HEATR4: variants seen among roughly 807,000 people sequenced by gnomAD.
HEATR4 encodes HEAT repeat-containing protein 4.
In HEATR4, 95 loss-of-function variants were observed where a neutral mutation model predicts 108.8. The ratio of observed to expected loss-of-function variants is 0.87; its 90% confidence interval spans 0.74 to 1.04. The LOEUF (loss-of-function observed/expected upper bound fraction) is 1.04. Ranked by LOEUF, HEATR4 falls within the 50% of genes least tolerant of loss-of-function variation. The pLI is 0.00. For missense variants in HEATR4, 1,152 were observed against 1,253.8 expected (o/e 0.92, Z 1.23); for synonymous variants, 443 against 459.4 (o/e 0.96, Z 0.46).
At chr14:73,521,237 T>C (rs577914904) in intron 3 of HEATR4, among the ~76,000 whole-genome samples, 198 bp from the exon 4 acceptor site, 1 of 152,260 alleles carries the variant, frequency 6.6e-6, no homozygotes, top group East Asian at 1.9e-4. Flanking sequence ...AGGGCCTGTC[T>C]ACAGCTGTCC....
At chr14:73,600,977 CT>C in the HEATR4 span, among the ~76,000 whole-genome samples, 2 of 151,276 alleles carry the variant, frequency 1.3e-5, no homozygotes, top group Admixed American at 1.3e-4. Flanking sequence ...CCCATCTCTA[CT>C]AAAAATACAA....
chr14:73,493,159 GA>G (rs755326030), intron 16 of HEATR4, 35 bp from the exon 17 acceptor site: 12 of 1,565,590 alleles, frequency 7.7e-6, no homozygotes, highest in African/African-American at 1.4e-5. Flanking sequence ...GTTGGAGGTG[GA>G]AAAAAAACCC....
the HEATR4 span, chr14:73,592,280 G>C: frequency 6.2e-7 from 1 of 1,612,438 alleles, no homozygotes; most frequent in African/African-American, 1.3e-5. Context: ...TGGAGTTGGA[G>C]GTGCTGGACG....
intron 15 of HEATR4, 68 bp from the exon 16 acceptor site, chr14:73,495,455 A>T: frequency 7.7e-7 from 1 of 1,302,530 alleles, no homozygotes; most frequent in Non-Finnish European, 1.1e-6. Context: ...AATTATCAAA[A>T]AACATTAATA....
chr14:73,539,753 T>TC (rs1889014196), intron 1 of HEATR4: 1 of 117,942 alleles, frequency 8.5e-6, no homozygotes, highest in Non-Finnish European at 1.9e-5. Context: ...GCGGTCCCTG[T>TC]CCATCAGCAC....
intron 10 of HEATR4, among the ~76,000 whole-genome samples, chr14:73,504,964 C>G (rs539560255): frequency 3.3e-5 from 5 of 152,178 alleles, no homozygotes; most frequent in Non-Finnish European, 7.4e-5. Flanking sequence ...TGGAGTCTCG[C>G]TCTGTCGCCC....
the HEATR4 span, among the ~76,000 whole-genome samples, chr14:73,614,080 A>G: frequency 6.7e-6 from 1 of 150,278 alleles, no homozygotes; most frequent in Admixed American, 6.6e-5. Context: ...GCATGCCTGT[A>G]GTCCCAGCTG....
At chr14:73,599,225 A>C in the HEATR4 span, among the ~76,000 whole-genome samples, 1 of 151,144 alleles carries the variant, frequency 6.6e-6, no homozygotes, top group African/African-American at 2.4e-5. Flanking sequence ...GACTTCACAT[A>C]ACCTCCACTG....
the HEATR4 span, among the ~76,000 whole-genome samples, chr14:73,590,680 TGCTAAGCCCCTCACTGCCCGGG>T: frequency 2.6e-5 from 4 of 152,006 alleles, no homozygotes; most frequent in African/African-American, 9.7e-5. Context: ...CTGCCCCAGG[TGCTAAGCCCCTCACTGCCCGGG>T]GCTTGCGGGC....
chr14:73,585,930 A>C, the HEATR4 span, among the ~76,000 whole-genome samples: 1 of 142,328 alleles, frequency 7.0e-6, no homozygotes, highest in Admixed American at 7.1e-5. Flanking sequence ...AACTGCTTGA[A>C]CCTGGGAGGT....
At chr14:73,569,814 C>T in the HEATR4 span, 2 of 1,600,768 alleles carry the variant, frequency 1.2e-6, no homozygotes, top group South Asian at 1.1e-5. Context: ...GCGCTACTTC[C>T]TCCCGCCCGG....
rs1484473164 is a variant in HEATR4 at position 73,550,241 on chromosome 14, G to C, written c.-152+8510C>G. ...ACTGAGGCAGGATAGGTAGCTAAGG[G>C]AGTGACCGTGTTCTCGGGATGCAGC... On this transcript the variant is annotated intron_variant, in intron 1 of 17. Coordinates refer to ENST00000553558, the MANE Select transcript of HEATR4 (RefSeq NM_001220484.1). 1.8e-5 allele frequency among the ~76,000 whole-genome samples: 2 copies of C among 113,270 alleles called. 1 individual carries two copies. The highest frequency in any genetic ancestry group is 2.0e-4 in the Admixed American group (2 of 10,090). The allele number at this position is 113,270 out of a possible 152,430, so 74.3% of individuals were successfully genotyped here.
chr14:73,569,739 G>C, the HEATR4 span: 1 of 1,609,570 alleles, frequency 6.2e-7, no homozygotes, highest in Non-Finnish European at 8.5e-7. Flanking sequence ...CTTGGCCGTG[G>C]AGCTGGAGGT....
chr14:73,538,216 C>G (rs1888943015), intron 1 of HEATR4, among the ~76,000 whole-genome samples: 1 of 113,814 alleles, frequency 8.8e-6, no homozygotes, highest in South Asian at 2.8e-4. Flanking sequence ...TCCAACATTC[C>G]GGAGGTTAGT....
upstream of HEATR4, among the ~76,000 whole-genome samples, chr14:73,562,877 A>T (rs1406483884): frequency 6.6e-6 from 1 of 151,618 alleles, no homozygotes; most frequent in Non-Finnish European, 1.5e-5. Context: ...GCTGAACACA[A>T]CCCTTATCAG....
the HEATR4 span, chr14:73,569,944 G>A: frequency 2.0e-6 from 3 of 1,531,362 alleles, no homozygotes; most frequent in Non-Finnish European, 2.6e-6. Context: ...TGTCTCCCCC[G>A]CCCCACGCTT....
chr14:73,503,815 T>C (rs912778391), intron 10 of HEATR4, among the ~76,000 whole-genome samples: 2 of 152,138 alleles, frequency 1.3e-5, no homozygotes, highest in South Asian at 4.1e-4. Context: ...GCGTCGGATG[T>C]GGTCAGAAAC....
Position 73,519,183 on chromosome 14 carries a change from C to T in HEATR4, c.1070-20G>A, listed in dbSNP as rs746623275. The T allele has an allele frequency of 1.1e-5, 18 of 1,605,600 alleles. No individual in the cohort carries two copies. The Admixed American group carries it at 2.0e-4, about 18-fold the overall frequency. The stretch of plus-strand genomic sequence containing the variant: ...CTTCATCTGTGAACAGACAAAGAAA[C>T]AATGAGTCCCCTATAACCTCCCTAT... On this transcript the variant is annotated intron_variant, in intron 4 of 17. Transcript: ENST00000553558.
Position 73,509,433 on chromosome 14 carries a change from G to T in HEATR4, c.1599C>A (p.Ala533=). 2 of 1,614,022 alleles carry T rather than the reference G, an allele frequency of 1.2e-6. No individual in the cohort carries two copies. The highest frequency in any genetic ancestry group is 1.7e-6 in the Non-Finnish European group (2 of 1,180,002). Residue 533 remains alanine, a synonymous_variant, in exon 8 of 18, where the codon GCC becomes GCA. Transcript: ENST00000553558. ...IQDLPEVLLP[A]LEAALCDKNA... is the part of the protein sequence containing the mutation. ...TCTTGTCACAAAGAGCAGCCTCTAG[G>T]GCAGGCAGTAGAACCTCCGGCAAGT...
Sources: gnomAD v4.1 joint callset for allele counts (sites outside exome capture counted in the v4.1 genomes callset) on GRCh38, gnomAD v4.1.1 for gene constraint, MANE v1.5 for transcripts, NCBI Gene and HGNC (gene_info 2026-07-23, HGNC 2026-07-21) for gene names.